PDZD2: variants seen among roughly 807,000 people sequenced by gnomAD.
PDZD2 encodes the protein PDZ domain containing 2, also known as PDZ domain-containing protein 2.
A neutral mutation model predicts 220.7 loss-of-function variants in PDZD2; 90 were observed. That is an observed-to-expected ratio of 0.41 (90% CI 0.34 to 0.49). PDZD2 has a LOEUF of 0.49. Ranked by LOEUF, PDZD2 falls within the 20% of genes least tolerant of loss-of-function variation. The pLI, the probability that PDZD2 is intolerant of heterozygous loss-of-function variation, is 0.28. For missense variants in PDZD2, 3,174 were observed against 3,608.5 expected (o/e 0.88, Z 3.08); for synonymous variants, 1,375 against 1,450.5 (o/e 0.95, Z 1.18).
intron 2 of PDZD2, among the ~76,000 whole-genome samples, chr5:31,835,322 A>T (rs17417042): frequency 1.3e-5 from 2 of 152,074 alleles, no homozygotes; most frequent in African/African-American, 4.8e-5. Context: ...AATGTTTTCA[A>T]AAGTGTTTCT....
intron 2 of PDZD2, among the ~76,000 whole-genome samples, chr5:31,939,697 G>A (rs1056595272): frequency 6.6e-6 from 1 of 152,220 alleles, no homozygotes; most frequent in South Asian, 2.1e-4. Flanking sequence ...CAAGCCATGA[G>A]CAGCCCTTAA....
intron 8 of PDZD2, among the ~76,000 whole-genome samples, chr5:32,049,433 C>T (rs1055502402): frequency 3.9e-5 from 6 of 152,172 alleles, no homozygotes; most frequent in African/African-American, 1.2e-4. Flanking sequence ...AGATAGAGGA[C>T]GGGCGTGGCA....
chr5:31,759,081 G>A (rs572290780), intron 1 of PDZD2, among the ~76,000 whole-genome samples: 1 of 152,104 alleles, frequency 6.6e-6, no homozygotes, highest in Non-Finnish European at 1.5e-5. Context: ...ACCCAGGAGT[G>A]GTGAGCTCCC....
At chr5:31,779,373 C>CTTTTT (rs58290929) in intron 1 of PDZD2, among the ~76,000 whole-genome samples, 24 of 106,652 alleles carry the variant, frequency 2.3e-4, no homozygotes, top group Non-Finnish European at 3.7e-4. Flanking sequence ...TTGTGAATCT[C>CTTTTT]TTTTTTTTTT....
chr5:31,958,356 C>T (rs1177630166), intron 2 of PDZD2, among the ~76,000 whole-genome samples: 11 of 151,658 alleles, frequency 7.3e-5, no homozygotes, highest in Admixed American at 5.3e-4. Flanking sequence ...TGGGTTCAAG[C>T]GATTCTCCTG....
chr5:31,832,775 C>G (rs1235650239), intron 2 of PDZD2, among the ~76,000 whole-genome samples: 1 of 152,068 alleles, frequency 6.6e-6, no homozygotes, highest in African/African-American at 2.4e-5. Context: ...GAGATCGCGC[C>G]ACTGCACTCC....
chr5:31,705,367 T>C (rs569125146), intron 1 of PDZD2, among the ~76,000 whole-genome samples: 7 of 152,242 alleles, frequency 4.6e-5, no homozygotes, highest in Middle Eastern at 3.4e-3. Flanking sequence ...ACTAAGAAGA[T>C]AGAAAACGAA....
chr5:32,016,730 C>G (rs1381448010), intron 6 of PDZD2, among the ~76,000 whole-genome samples: 1 of 152,150 alleles, frequency 6.6e-6, no homozygotes. Flanking sequence ...CTGCCCTTCT[C>G]TTTGGACTTC....
chr5:31,685,950 C>T, intron 1 of PDZD2, among the ~76,000 whole-genome samples: 1 of 152,098 alleles, frequency 6.6e-6, no homozygotes, highest in African/African-American at 2.4e-5. Context: ...CCTGTAATCC[C>T]AGCACTTTGG....
intron 2 of PDZD2, among the ~76,000 whole-genome samples, chr5:31,973,283 G>A: frequency 6.6e-6 from 1 of 152,192 alleles, no homozygotes; most frequent in East Asian, 1.9e-4. Flanking sequence ...TTACTTTGTT[G>A]TAAGAGTGTA....
At chr5:31,891,503 C>T (rs1285674227) in intron 2 of PDZD2, among the ~76,000 whole-genome samples, 3 of 151,940 alleles carry the variant, frequency 2.0e-5, no homozygotes, top group African/African-American at 4.8e-5. Context: ...TTAGTAGAGA[C>T]GAGGTTTCTC....
intron 1 of PDZD2, among the ~76,000 whole-genome samples, chr5:31,760,929 A>C (rs1561438152): frequency 6.6e-6 from 1 of 152,200 alleles, no homozygotes; most frequent in Non-Finnish European, 1.5e-5. Flanking sequence ...TCTCAAAAAA[A>C]TAATAAATAA....
chr5:31,989,427 T>TTTTTTTTTTTTTTTTTATTTATTTATTTA (rs1751026161), intron 3 of PDZD2, among the ~76,000 whole-genome samples: 8 of 144,774 alleles, frequency 5.5e-5, no homozygotes, highest in African/African-American at 2.2e-4. Context: ...TTTTCTTTTT[T>TTTTTTTTTTTTTTTTTATTTATTTATTTA]TTTTTTTTTT....
chr5:31,996,389 G>A (rs1398720204), intron 4 of PDZD2, among the ~76,000 whole-genome samples: 2 of 152,152 alleles, frequency 1.3e-5, no homozygotes, highest in Admixed American at 1.3e-4. Context: ...ACCAGCCTGG[G>A]CAACATGGTG....
At chr5:32,102,556 T>TAA (rs1744351268) in intron 24 of PDZD2, among the ~76,000 whole-genome samples, 1 of 151,704 alleles carries the variant, frequency 6.6e-6, no homozygotes, top group Admixed American at 6.6e-5. Flanking sequence ...CTCATCAAGT[T>TAA]AACTGTTCAA....
rs184777828 is a variant in PDZD2, at chr5:31,790,405, G to A, written c.-360-8484G>A. 4.0e-3 allele frequency among the ~76,000 whole-genome samples: 603 copies of A among 151,978 alleles called. 5 individuals are homozygous for A. Among genetic ancestry groups the A allele is most frequent in the African/African-American group, 0.013 (545 of 41,472 alleles). On this transcript the variant is annotated intron_variant, in intron 1 of 24. Coordinates refer to ENST00000438447, the MANE Select transcript of PDZD2 (RefSeq NM_178140.4). ...GAGCCACCGCTCCTGGCCCCGGGAG[G>A]TCATTCTTCATTCACTGTCCACCAT...
chr5:31,847,762 G>A lies in PDZD2; in HGVS notation c.476+48038G>A, dbSNP rs556634356. Reference sequence around the variant, plus strand: ...AGTTTTGGAGGCCCTGAAGGAAGCTGTGAATGGAGGCTTGTCTATCCCTTG... The same window carrying A: ...AGTTTTGGAGGCCCTGAAGGAAGCTATGAATGGAGGCTTGTCTATCCCTTG... On this transcript the variant is annotated intron_variant, in intron 2 of 24. Coordinates refer to ENST00000438447, the MANE Select transcript of PDZD2 (RefSeq NM_178140.4). The A allele has an allele frequency of 4.0e-4, 233 of 588,780 alleles. 1 individual carries two copies. The highest frequency in any genetic ancestry group is 3.0e-3 in the South Asian group (222 of 73,028). The allele number at this position is 588,780 out of a possible 1,614,324, so 36.5% of individuals were successfully genotyped here. A position where few individuals can be genotyped will look rare whatever the true frequency, so the allele number is the denominator to read the frequency against.
Position 32,062,487 on chromosome 5 carries a change from G to A in PDZD2, c.2451+1353G>A, listed in dbSNP as rs369593100. 1.6e-4 allele frequency among the ~76,000 whole-genome samples: 24 copies of A among 150,640 alleles called. No individual in the cohort carries two copies. In the South Asian group the frequency reaches 3.6e-3, roughly 22 times the overall value. ...TGGCTCACTGCAACCTCGACTTCCC[G>A]GGTTCCAGCGATCCTCCCACCTCAG... is the stretch of plus-strand genomic sequence containing the variant. On this transcript the variant is annotated intron_variant, in intron 14 of 24. Coordinates refer to ENST00000438447, the MANE Select transcript of PDZD2 (RefSeq NM_178140.4).
At chr5:32,086,565 T>G (rs1742467609) in intron 19 of PDZD2, among the ~76,000 whole-genome samples, 1 of 152,196 alleles carries the variant, frequency 6.6e-6, no homozygotes, top group African/African-American at 2.4e-5. Flanking sequence ...TTAGAGCGTC[T>G]AAAGCAGGGT....
Sources: allele counts gnomAD v4.1 joint callset (sites outside exome capture counted in the v4.1 genomes callset), GRCh38; gene constraint gnomAD v4.1.1; transcripts MANE v1.5; gene names NCBI Gene and HGNC (gene_info 2026-07-23, HGNC 2026-07-21).